Variants in PCDHGA1 observed in about 807,000 individuals in gnomAD.
PCDHGA1 encodes protocadherin gamma subfamily A, 1, also known as protocadherin gamma-A1.
A neutral mutation model predicts 58.0 loss-of-function variants in PCDHGA1; 32 were observed. The observed-to-expected ratio is 0.55, with a 90% CI of 0.42 to 0.74. PCDHGA1 has a LOEUF of 0.74. Ranked by LOEUF, PCDHGA1 falls within the 30% of genes least tolerant of loss-of-function variation. The probability of loss-of-function intolerance (pLI) is 0.00; values close to 1 mark genes in which losing one functional copy is unlikely to be tolerated. For missense variants in PCDHGA1, 1,205 were observed against 1,182.3 expected, an observed-to-expected ratio of 1.02 and a Z score of -0.28; for synonymous variants, 498 against 501.1, an observed-to-expected ratio of 0.99 and a Z score of 0.08.
intron 1 of PCDHGA1, chr5:141,361,292 T>C (rs1761961385): frequency 6.2e-7 from 1 of 1,613,976 alleles, no homozygotes; most frequent in Non-Finnish European, 8.5e-7. Flanking sequence ...TACTGCCAAG[T>C]GTTGGGAAAT....
At position 141,476,395 on chromosome 5, in the gene PCDHGA1, T is replaced by C. The variant is rs545562470; in HGVS notation, c.2422-18412T>C. 4 of 1,614,020 alleles carry C rather than the reference T, an allele frequency of 2.5e-6. 1 individual carries two copies. In the South Asian group the frequency reaches 4.4e-5, roughly 18 times the overall value. On this transcript the variant is annotated intron_variant, in intron 1 of 3. Transcript: ENST00000517417. This position sits in a 1 kb window ranked among gnomAD's most constrained non-coding sequence, Gnocchi z 7.6. ...AGATGTTTGTGAACGACCGTCTGGATCGAGAGGAGCTGTGTGGGACACTGC... is the reference window on the plus strand; with the variant it reads ...AGATGTTTGTGAACGACCGTCTGGACCGAGAGGAGCTGTGTGGGACACTGC...
chr5:141,403,984 A>C, intron 1 of PCDHGA1: 1 of 1,613,892 alleles, frequency 6.2e-7, no homozygotes, highest in South Asian at 1.1e-5. Flanking sequence ...ATGACAATAG[A>C]CCTGAAGTGA....
In PCDHGA1 at chr5:141,414,949, G is replaced by A. The variant is rs774769957; in HGVS notation, c.2422-79858G>A. On this transcript the variant is annotated intron_variant, in intron 1 of 3. Transcript: ENST00000517417. ...CCGCTCCGCAGAGCCCGGCTACCTGGTGACCAAGGTGGTGGCGGTGGACAG... is the reference window on the plus strand; with the variant it reads ...CCGCTCCGCAGAGCCCGGCTACCTGATGACCAAGGTGGTGGCGGTGGACAG... The A allele has an allele frequency of 8.1e-6, 13 of 1,614,096 alleles. 1 individual carries two copies. The South Asian group carries it at 1.4e-4, about 18-fold the overall frequency.
At chr5:141,389,330 C>A in intron 1 of PCDHGA1, 2 of 1,614,000 alleles carry the variant, frequency 1.2e-6, no homozygotes, top group Non-Finnish European at 1.7e-6. Context: ...TGGGGCCCAA[C>A]GGCCAAGTCT....
chr5:141,422,414 A>G (rs2096646645), intron 1 of PCDHGA1: 1 of 1,604,894 alleles, frequency 6.2e-7, no homozygotes, highest in Admixed American at 1.7e-5. Context: ...TTTAAATTAG[A>G]AAAGACTTAT....
At chr5:141,340,120 C>T in intron 1 of PCDHGA1, 1 of 1,614,108 alleles carries the variant, frequency 6.2e-7, no homozygotes, top group African/African-American at 1.3e-5. Context: ...CATTCACCAC[C>T]TGTTCACTCC....
intron 1 of PCDHGA1, chr5:141,404,270 C>T (rs1359018673): frequency 5.0e-6 from 8 of 1,614,010 alleles, no homozygotes; most frequent in Non-Finnish European, 6.8e-6. Flanking sequence ...TCACATCACC[C>T]TGCAAGTGAC....
At chr5:141,394,282 C>G (rs375429182) in intron 1 of PCDHGA1, 11 of 1,613,864 alleles carry the variant, frequency 6.8e-6, no homozygotes, top group Non-Finnish European at 8.5e-6. Flanking sequence ...GTCACTTACT[C>G]TGTGACCGAG....
At chr5:141,391,788 G>GT (rs1373420883) in intron 1 of PCDHGA1, 2 of 152,132 alleles carry the variant, frequency 1.3e-5, no homozygotes, top group African/African-American at 2.4e-5. Flanking sequence ...ACTTTTTGCA[G>GT]TTTTTTAGAT....
intron 1 of PCDHGA1, chr5:141,357,505 A>G: frequency 6.2e-7 from 1 of 1,614,212 alleles, no homozygotes. Context: ...GAGTCACCTG[A>G]TCTTCTCCCA....
intron 1 of PCDHGA1, chr5:141,355,798 C>G (rs1255489648): frequency 6.2e-7 from 1 of 1,613,510 alleles, no homozygotes; most frequent in Non-Finnish European, 8.5e-7. Flanking sequence ...GGAACGCGCT[C>G]TAGATCGCGA....
intron 1 of PCDHGA1, chr5:141,366,421 G>A: frequency 6.2e-7 from 1 of 1,614,150 alleles, no homozygotes; most frequent in Non-Finnish European, 8.5e-7. Flanking sequence ...TGGTGGCAGT[G>A]GCTGCAGTCT....
chr5:141,422,869 T>A, intron 1 of PCDHGA1: 2 of 1,614,202 alleles, frequency 1.2e-6, no homozygotes, highest in Non-Finnish European at 1.7e-6. Context: ...CAGCAACGTG[T>A]CGCTGAGCCT....
Position 141,332,269 on chromosome 5 carries a change from C to A in PCDHGA1, c.1585C>A (p.Gln529Lys). The A allele has an allele frequency of 6.2e-7, 1 of 1,614,242 alleles. No homozygotes were observed. Among genetic ancestry groups the A allele is most frequent in the Non-Finnish European group, 8.5e-7 (1 of 1,180,046 alleles). The change falls in exon 1 of 4, where the codon CAA becomes AAA. Residue 529 changes from glutamine to lysine, a missense_variant. Physicochemically the swap from Gln to Lys is moderately conservative, Grantham distance 53. Coordinates refer to ENST00000517417, the MANE Select transcript of PCDHGA1 (RefSeq NM_018912.3). This position sits in a 1 kb window ranked among gnomAD's most constrained non-coding sequence, Gnocchi z 4.6. ...SFDYEQFRDMQLKVMARDSGD... is the reference protein window; with the variant it reads ...SFDYEQFRDMKLKVMARDSGD... The stretch of plus-strand genomic sequence containing the variant: ...CGACTATGAGCAGTTCCGGGACATG[C>A]AACTGAAAGTGATGGCGCGGGACAG...
intron 1 of PCDHGA1, chr5:141,370,765 A>G: frequency 1.2e-6 from 2 of 1,614,018 alleles, no homozygotes; most frequent in South Asian, 1.1e-5. Flanking sequence ...GTGCTGATCC[A>G]GGATATTAAC....
chr5:141,487,029 T>C lies in PCDHGA1; in HGVS notation c.2422-7778T>C. 1.2e-6 allele frequency: 2 copies of C among 1,614,226 alleles called. No individual in the cohort carries two copies. Among genetic ancestry groups the C allele is most frequent in the Non-Finnish European group, 1.7e-6 (2 of 1,180,040 alleles). ...CTGGAGGCCCCAGATCCCAGCCTGT[T>C]TGCAGTCTCTCGATATGCTGGGGAG... is the stretch of plus-strand genomic sequence containing the variant. On this transcript the variant is annotated intron_variant, in intron 1 of 3. Coordinates refer to ENST00000517417, the MANE Select transcript of PCDHGA1 (RefSeq NM_018912.3). The surrounding 1 kb of genome is among the most constrained non-coding windows in gnomAD (Gnocchi z 5.0).
intron 1 of PCDHGA1, chr5:141,404,577 T>C (rs2094542300): frequency 6.2e-7 from 1 of 1,613,954 alleles, no homozygotes; most frequent in South Asian, 1.1e-5. Context: ...AGCCCACCAC[T>C]TAGCAGCAAT....
intron 1 of PCDHGA1, chr5:141,398,380 C>G: frequency 6.9e-7 from 1 of 1,455,908 alleles, no homozygotes; most frequent in South Asian, 1.2e-5. Flanking sequence ...CGGGGAGTTG[C>G]TTGTGAGCAG....
intron 1 of PCDHGA1, chr5:141,475,984 G>T: frequency 1.9e-6 from 2 of 1,069,308 alleles, no homozygotes; most frequent in South Asian, 3.1e-5. Context: ...AACAGCCGGC[G>T]AGCAAATCAA....
Sources: gnomAD v4.1 joint callset for allele counts on GRCh38, gnomAD v4.1.1 for gene constraint, Gnocchi (gnomAD v3.1) non-coding constraint, MANE v1.5 for transcripts, NCBI Gene and HGNC (gene_info 2026-07-23, HGNC 2026-07-21) for gene names.